The following TMEM132D variants were observed in gnomAD, a reference collection of about 807,000 sequenced individuals.
The protein encoded by TMEM132D is mature OL transmembrane protein.
A neutral mutation model predicts 62.3 loss-of-function variants in TMEM132D; 21 were observed. The ratio of observed to expected loss-of-function variants is 0.34; its 90% CI spans 0.24 to 0.49. The LOEUF (loss-of-function observed/expected upper bound fraction) is 0.49. Among genes scored for constraint, TMEM132D ranks in the 20% least tolerant of loss-of-function variants. TMEM132D has a pLI of 0.99. For synonymous variants in TMEM132D, 621 were observed against 575.6 expected (o/e 1.08, Z -1.13); for missense variants, 1,346 against 1,402.8 (o/e 0.96, Z 0.65).
At chr12:129,258,769 G>C (rs1880476022) in intron 4 of TMEM132D, among the ~76,000 whole-genome samples, 1 of 152,146 alleles carries the variant, frequency 6.6e-6, no homozygotes. Flanking sequence ...TACTTTTAAG[G>C]AACTTATAGT....
intron 5 of TMEM132D, among the ~76,000 whole-genome samples, chr12:129,096,260 C>T (rs372159827): frequency 6.6e-6 from 1 of 152,136 alleles, no homozygotes; most frequent in East Asian, 1.9e-4. Flanking sequence ...GAATCCAGGC[C>T]GGTCTGGGTC....
At chr12:129,301,930 G>A (rs754202894) in intron 4 of TMEM132D, among the ~76,000 whole-genome samples, 6 of 151,752 alleles carry the variant, frequency 4.0e-5, no homozygotes, top group East Asian at 1.9e-4. Flanking sequence ...TTTTAGGCAC[G>A]TACATTGGAA....
At chr12:129,472,776 G>A (rs1305142323) in intron 3 of TMEM132D, among the ~76,000 whole-genome samples, 5 of 152,304 alleles carry the variant, frequency 3.3e-5, no homozygotes, top group Admixed American at 2.0e-4. Context: ...TCTACTGTGA[G>A]TAAAATGCTA....
intron 4 of TMEM132D, among the ~76,000 whole-genome samples, chr12:129,327,979 G>T (rs946729207): frequency 1.3e-5 from 2 of 152,112 alleles, no homozygotes; most frequent in African/African-American, 4.8e-5. Flanking sequence ...AGTTGCACTG[G>T]ACCTTTTTCC....
intron 2 of TMEM132D, among the ~76,000 whole-genome samples, chr12:129,621,451 C>T (rs965873735): frequency 3.9e-5 from 6 of 152,180 alleles, no homozygotes; most frequent in African/African-American, 1.2e-4. Flanking sequence ...TCCACTAGAA[C>T]GTACACTTGA....
At chr12:129,609,445 A>C (rs1878713181) in intron 2 of TMEM132D, among the ~76,000 whole-genome samples, 1 of 152,274 alleles carries the variant, frequency 6.6e-6, no homozygotes, top group African/African-American at 2.4e-5. Context: ...CATGGTTGGC[A>C]TCCCAAAAGA....
chr12:129,298,178 G>A (rs750431571), intron 4 of TMEM132D, among the ~76,000 whole-genome samples: 2 of 152,050 alleles, frequency 1.3e-5, no homozygotes, highest in African/African-American at 4.8e-5. Flanking sequence ...GAAGACAAAC[G>A]AATTACAAGG....
At chr12:129,325,093 A>T (rs1303064259) in intron 4 of TMEM132D, among the ~76,000 whole-genome samples, 1 of 152,180 alleles carries the variant, frequency 6.6e-6, no homozygotes, top group East Asian at 1.9e-4. Context: ...AAGTCTGCTC[A>T]GTTACAGACT....
intron 3 of TMEM132D, among the ~76,000 whole-genome samples, chr12:129,395,967 A>G (rs1297317589): frequency 8.0e-6 from 1 of 125,558 alleles, no homozygotes; most frequent in East Asian, 2.1e-4. Context: ...TATATAATAT[A>G]TATCATATAA....
intron 1 of TMEM132D, among the ~76,000 whole-genome samples, chr12:129,847,750 T>C (rs766035969): frequency 6.6e-6 from 1 of 152,094 alleles, no homozygotes; most frequent in Non-Finnish European, 1.5e-5. Context: ...CCTTAGAGAC[T>C]GGCAGCTTCC....
intron 1 of TMEM132D, among the ~76,000 whole-genome samples, chr12:129,754,177 C>T (rs1366758255): frequency 6.6e-6 from 1 of 152,200 alleles, no homozygotes; most frequent in Non-Finnish European, 1.5e-5. Flanking sequence ...AAGGATTCTT[C>T]ACCCCGCCTG....
At position 129,600,908 on chromosome 12, in the gene TMEM132D, C is replaced by A. The variant is rs574683117; in HGVS notation, c.969-69703G>T. 6.6e-5 allele frequency among the ~76,000 whole-genome samples: 10 copies of A among 152,090 alleles called. No homozygotes were observed. In the South Asian group the frequency reaches 8.3e-4, roughly 13 times the overall value. On this transcript the variant is annotated intron_variant, in intron 2 of 8. Transcript: ENST00000422113. ...CCTAGGAATTTCAGAGTGGTAAATG[C>A]GTGTTGGCTTCAACTTAAAGTCACC...
At chr12:129,374,334 A>G (rs1476023229) in intron 3 of TMEM132D, among the ~76,000 whole-genome samples, 1 of 151,218 alleles carries the variant, frequency 6.6e-6, no homozygotes, top group East Asian at 2.0e-4. Flanking sequence ...CTATCATAAT[A>G]CTACGGTCCA....
chr12:129,840,227 G>C (rs1225291080), intron 1 of TMEM132D: 7 of 152,196 alleles, frequency 4.6e-5, no homozygotes, highest in Admixed American at 2.6e-4. Context: ...ACCTGGGGTG[G>C]TGAAAGGTGT....
At chr12:129,767,773 T>C (rs547203829) in intron 1 of TMEM132D, among the ~76,000 whole-genome samples, 12 of 152,354 alleles carry the variant, frequency 7.9e-5, no homozygotes, top group Non-Finnish European at 1.3e-4. Flanking sequence ...CTCTTGGCTA[T>C]TGTGAGTGTA....
chr12:129,365,738 T>A (rs566157970), intron 3 of TMEM132D, among the ~76,000 whole-genome samples: 1 of 152,224 alleles, frequency 6.6e-6, no homozygotes, highest in South Asian at 2.1e-4. Flanking sequence ...AATGTGTCAA[T>A]CACTGGGTGT....
intron 2 of TMEM132D, among the ~76,000 whole-genome samples, chr12:129,696,105 T>C (rs73434107): frequency 6.6e-6 from 1 of 152,306 alleles, no homozygotes; most frequent in African/African-American, 2.4e-5. Flanking sequence ...ACCACCATAT[T>C]ATTTCCTAAT....
At chr12:129,209,849 C>A in intron 4 of TMEM132D, 186 bp from the exon 5 acceptor site, 3 of 732,492 alleles carry the variant, frequency 4.1e-6, no homozygotes, top group Non-Finnish European at 6.5e-6. Flanking sequence ...TCTGTCCTCA[C>A]CCAGATTTCC....
In TMEM132D at chr12:129,078,689, T is replaced by C; in HGVS notation, c.1960A>G (p.Lys654Glu). ...SPLSDTILAEKTITVLDEKVT... is the reference protein window; with the variant it reads ...SPLSDTILAEETITVLDEKVT... Reference sequence around the variant, plus strand: ...TTCTCGTCCAGCACAGTGATGGTCTTTTCAGCGAGGATGGTGTCTGACAGA... The same window carrying C: ...TTCTCGTCCAGCACAGTGATGGTCTCTTCAGCGAGGATGGTGTCTGACAGA... The change falls in exon 8 of 9, where the codon AAG (lysine) becomes GAG (glutamate). Residue 654 changes from lysine to glutamate, a missense_variant. Physicochemically the swap from Lys to Glu is moderately conservative, Grantham distance 56. Transcript: ENST00000422113. The C allele has an allele frequency of 6.2e-7, 1 of 1,614,176 alleles. No individual in the cohort carries two copies. The highest frequency in any genetic ancestry group is 8.5e-7 in the Non-Finnish European group (1 of 1,180,034).
Sources: gnomAD v4.1 joint callset for allele counts (sites outside exome capture counted in the v4.1 genomes callset) on GRCh38, gnomAD v4.1.1 for gene constraint, MANE v1.5 for transcripts, NCBI Gene and HGNC (gene_info 2026-07-23, HGNC 2026-07-21) for gene names.